Variants in RBL2 observed in about 807,000 individuals in gnomAD.
RBL2 encodes the protein RB transcriptional corepressor like 2.
Under a neutral mutation model 126.0 loss-of-function variants are expected in RBL2, and 56 were observed. The ratio of observed to expected loss-of-function variants is 0.44; its 90% CI spans 0.36 to 0.56. The LOEUF is 0.56. RBL2 is among the 20% of genes least tolerant of loss of function. The probability of loss-of-function intolerance (pLI) is 0.00; values close to 1 mark genes in which losing one functional copy is unlikely to be tolerated. For missense variants in RBL2, 1,229 were observed against 1,398.2 expected (o/e 0.88, Z 1.93); for synonymous variants, 454 against 478.5 (o/e 0.95, Z 0.67).
rs1356647365 is a variant in RBL2, at chr16:53,470,522, A to G, written c.2385A>G (p.Thr795=). The change falls in exon 16 of 22, where the codon ACA becomes ACG. Residue 795 remains threonine, a synonymous_variant. Coordinates refer to ENST00000262133, the MANE Select transcript of RBL2 (RefSeq NM_005611.4). ...GAAGTCTGAGCTCTCAACAGGTGAC[A>G]GGAACAACTTTGCAAGTCCCTGGTC... is the stretch of plus-strand genomic sequence containing the variant. The part of the protein sequence containing the change: ...LAGSLSSQQV[T]GTTLQVPGQV... 3.7e-6 allele frequency: 6 copies of G among 1,614,060 alleles called. No individual in the cohort carries two copies. In the Middle Eastern group the frequency reaches 4.9e-4, roughly 133 times the overall value.
At chr16:53,459,346 A>C in intron 8 of RBL2, 105 bp from the exon 9 acceptor site, 3 of 853,908 alleles carry the variant, frequency 3.5e-6, no homozygotes, top group Non-Finnish European at 5.4e-6. Context: ...ATAAAGTCTT[A>C]CTGGCTTGAA....
In RBL2 at chr16:53,434,545, C is replaced by T; in HGVS notation, c.-12C>T. The stretch of plus-strand genomic sequence containing the variant: ...TCACCTCACCTGAGGTCCGGCCGCC[C>T]AGGGGTGCGCTATGCCGTCGGGAGG... On this transcript the variant is annotated 5_prime_UTR_variant, in exon 1 of 22. Transcript: ENST00000262133. 3 of 1,461,038 alleles carry T rather than the reference C, an allele frequency of 2.1e-6. No individual in the cohort carries two copies. In the African/African-American group the frequency reaches 4.4e-5, roughly 21 times the overall value. 90.5% of individuals were successfully genotyped at this position (1,461,038 alleles called of 1,614,324 possible). A position where few individuals can be genotyped will look rare whatever the true frequency, so the allele number is the denominator to read the frequency against.
rs776850246 is a variant in RBL2, at chr16:53,454,767, T to C, written c.1104T>C (p.Cys368=). The C allele has an allele frequency of 1.2e-6, 2 of 1,614,038 alleles. No homozygotes were observed. Among genetic ancestry groups the C allele is most frequent in the Non-Finnish European group, 1.7e-6 (2 of 1,179,954 alleles). The part of the protein sequence containing the change: ...AEEEIGTLSR[C]LNAGSGTETA... ...AGGAAATTGGGACTCTCTCAAGGTG[T>C]CTGAACGCTGGTTCAGGAACAGAGA... is the stretch of plus-strand genomic sequence containing the variant. The change falls in exon 8 of 22, where the codon TGT becomes TGC. Residue 368 remains cysteine, a synonymous_variant. Transcript: ENST00000262133.
In RBL2 at chr16:53,454,639, A is replaced by G; in HGVS notation, c.993-17A>G. On this transcript the variant is annotated splice_polypyrimidine_tract_variant and intron_variant, in intron 7 of 21. Transcript: ENST00000262133. The stretch of plus-strand genomic sequence containing the variant: ...CTGTGAGAGAGTACATTTTGTCTGT[A>G]TTTGTTTTTCCTATAGTAAAGCCAT... The G allele has an allele frequency of 6.4e-7, 1 of 1,574,758 alleles. No individual in the cohort carries two copies. The highest frequency in any genetic ancestry group is 2.2e-5 in the East Asian group (1 of 44,510).
chr16:53,480,444 G>A, intron 19 of RBL2, 123 bp from the exon 20 acceptor site: 9 of 776,484 alleles, frequency 1.2e-5, no homozygotes, highest in Non-Finnish European at 1.3e-5. Context: ...GAAGAACAGA[G>A]TGCCTATTCA....
rs1228574477 is a variant in RBL2, at chr16:53,491,631, T to A, written c.*1331T>A. ...ATATGAAGATAAGTGTATTTTTCAA[T>A]AAAGCATTTATAAATTAGCCTTTGT... On this transcript the variant is annotated 3_prime_UTR_variant, in exon 22 of 22. Transcript: ENST00000262133. 1 of 152,650 alleles carries A rather than the reference T, an allele frequency of 6.6e-6. No homozygotes were observed. The highest frequency in any genetic ancestry group is 1.5e-5 in the Non-Finnish European group (1 of 68,034). 9.5% of individuals were successfully genotyped at this position (152,650 alleles called of 1,614,324 possible).
In RBL2 at chr16:53,469,972, A is replaced by G. The variant is rs1411470802; in HGVS notation, c.2032A>G (p.Thr678Ala). 2 of 1,613,734 alleles carry G rather than the reference A, an allele frequency of 1.2e-6. No homozygotes were observed. The highest frequency in any genetic ancestry group is 1.7e-6 in the Non-Finnish European group (2 of 1,179,720). ...DRYSSPPASTTRRRLFVENDS... is the reference protein window; with the variant it reads ...DRYSSPPASTARRRLFVENDS... ...GTACAGCTCCCCACCAGCCAGCACT[A>G]CCAGAAGGCGGCTATTTGTTGAGAA... is the stretch of plus-strand genomic sequence containing the variant. The change falls in exon 15 of 22, where the codon ACC becomes GCC. Residue 678 changes from threonine to alanine, a missense_variant. Transcript: ENST00000262133.
intron 21 of RBL2, 39 bp from the exon 22 acceptor site, chr16:53,490,091 T>C (rs1458454157): frequency 1.4e-6 from 2 of 1,466,520 alleles, no homozygotes; most frequent in Admixed American, 4.1e-5. Flanking sequence ...GCTATGTGCA[T>C]TTGCATTTTA....
At position 53,459,631 on chromosome 16, in the gene RBL2, C is replaced by G. The variant is rs1409513266; in HGVS notation, c.1346+14C>G. 6.6e-7 allele frequency: 1 copy of G among 1,519,582 alleles called. No homozygotes were observed. Among genetic ancestry groups the G allele is most frequent in the Admixed American group, 2.4e-5 (1 of 42,166 alleles). The allele number at this position is 1,519,582 out of a possible 1,614,324, so 94.1% of individuals were successfully genotyped here. On this transcript the variant is annotated intron_variant, in intron 9 of 21. Coordinates refer to ENST00000262133, the MANE Select transcript of RBL2 (RefSeq NM_005611.4). Reference sequence around the variant, plus strand: ...ACAGATTCTCAGGTTAGTTTGAGCCCTGTCTGCTTTCTAAGATTTGGTTAT... The same window carrying G: ...ACAGATTCTCAGGTTAGTTTGAGCCGTGTCTGCTTTCTAAGATTTGGTTAT...
intron 17 of RBL2, among the ~76,000 whole-genome samples, chr16:53,474,377 C>T (rs566526927): frequency 2.0e-5 from 3 of 151,994 alleles, no homozygotes; most frequent in East Asian, 1.9e-4. Flanking sequence ...AGTGCAGTGG[C>T]GAGATCTTGG....
intron 13 of RBL2, 176 bp from the exon 14 acceptor site, chr16:53,466,882 A>T: frequency 1.8e-6 from 1 of 546,964 alleles, no homozygotes; most frequent in Non-Finnish European, 3.3e-6. Flanking sequence ...CAAGGTTTTG[A>T]ATTTTTTGAC....
intron 4 of RBL2, among the ~76,000 whole-genome samples, chr16:53,447,926 C>T (rs965099203): frequency 2.0e-5 from 3 of 151,924 alleles, no homozygotes; most frequent in African/African-American, 4.8e-5. Context: ...ATTATAGGCA[C>T]GAGCCACTGC....
chr16:53,438,624 A>G (rs2057981962), intron 1 of RBL2, among the ~76,000 whole-genome samples: 1 of 152,060 alleles, frequency 6.6e-6, no homozygotes, highest in Admixed American at 6.6e-5. Flanking sequence ...CGGATGGATC[A>G]CTTGAGGCCA....
chr16:53,456,189 AAG>A (rs1555566284), intron 8 of RBL2, among the ~76,000 whole-genome samples: 1 of 150,998 alleles, frequency 6.6e-6, no homozygotes, highest in Non-Finnish European at 1.5e-5. Context: ...AAAAAAAGAA[AAG>A]AAGAAGAAAA....
At chr16:53,476,109 C>T (rs1035526883) in intron 17 of RBL2, among the ~76,000 whole-genome samples, 5 of 152,036 alleles carry the variant, frequency 3.3e-5, no homozygotes, top group African/African-American at 1.2e-4. Flanking sequence ...CAGGTGTGAG[C>T]CACCGCCCTT....
At chr16:53,480,545 G>A (rs377182164) in intron 19 of RBL2, 22 bp from the exon 20 acceptor site, 19 of 1,600,754 alleles carry the variant, frequency 1.2e-5, no homozygotes, top group Non-Finnish European at 1.6e-5. Flanking sequence ...TGTACTGACA[G>A]CCTTTGTTCT....
chr16:53,458,495 G>A (rs2058189641), intron 8 of RBL2, among the ~76,000 whole-genome samples: 1 of 152,234 alleles, frequency 6.6e-6, no homozygotes, highest in African/African-American at 2.4e-5. Context: ...AAAGGTAGAG[G>A]AGGGGCAGGA....
intron 2 of RBL2, among the ~76,000 whole-genome samples, chr16:53,441,330 G>A (rs2058013947): frequency 6.6e-6 from 1 of 152,124 alleles, no homozygotes; most frequent in African/African-American, 2.4e-5. Context: ...AGCAAATTTG[G>A]TGGTATCTAG....
chr16:53,458,341 GA>G (rs2058188330), intron 8 of RBL2, among the ~76,000 whole-genome samples: 1 of 152,268 alleles, frequency 6.6e-6, no homozygotes, highest in South Asian at 2.1e-4. Flanking sequence ...GAGTTTATTT[GA>G]AAAATCAGAA....
Sources: gnomAD v4.1 joint callset for allele counts (sites outside exome capture counted in the v4.1 genomes callset) on GRCh38, gnomAD v4.1.1 for gene constraint, MANE v1.5 for transcripts, NCBI Gene and HGNC (gene_info 2026-07-23, HGNC 2026-07-21) for gene names.